Variants in TECTA observed in about 807,000 individuals in gnomAD.
TECTA encodes alpha-tectorin.
In TECTA, 128 loss-of-function variants were observed where a neutral mutation model predicts 216.8. That is an observed-to-expected ratio of 0.59 (90% CI 0.51 to 0.68). The LOEUF (loss-of-function observed/expected upper bound fraction) is 0.68. TECTA is among the 30% of genes least tolerant of loss of function. The probability of loss-of-function intolerance (pLI) is 0.00; values close to 1 mark genes in which losing one functional copy is unlikely to be tolerated. For missense variants in TECTA, 2,551 were observed against 2,786.2 expected, an observed-to-expected ratio of 0.92 and a Z score of 1.90; for synonymous variants, 1,089 against 1,117.1, an observed-to-expected ratio of 0.97 and a Z score of 0.50.
intron 3 of TECTA, among the ~76,000 whole-genome samples, chr11:121,107,076 T>C (rs781601304): frequency 6.6e-6 from 1 of 152,236 alleles, no homozygotes; most frequent in Non-Finnish European, 1.5e-5. Context: ...ATTACACCTG[T>C]TGTTCCCTAG....
rs1183573342 is a variant in TECTA at position 121,125,581 on chromosome 11, G to A, written c.1483G>A (p.Ala495Thr). 6.8e-6 allele frequency: 11 copies of A among 1,614,048 alleles called. No homozygotes were observed. Among genetic ancestry groups the A allele is most frequent in the South Asian group, 2.2e-5 (2 of 91,080 alleles). The change falls in exon 8 of 24, where the codon GCA becomes ACA. Residue 495 changes from alanine to threonine, a missense_variant. Physicochemically the swap from Ala to Thr is moderately conservative, Grantham distance 58 (BLOSUM62 0). Around this residue, in one of 3 missense-constraint regions of TECTA, gnomAD observed 2,375 missense variants for 2,563.9 expected, o/e 0.93. Transcript: ENST00000392793. ...DLGESWRVYH[A>T]DWKCDSGCVD... ...GGGAGAGAGCTGGCGTGTGTACCAC[G>A]CAGACTGGAAGTGCGACTCCGGCTG...
chr11:121,103,513 G>A (rs1291122996), intron 2 of TECTA, among the ~76,000 whole-genome samples: 2 of 151,982 alleles, frequency 1.3e-5, no homozygotes, highest in Admixed American at 6.6e-5. Flanking sequence ...GAAACCCCAC[G>A]GGAATGAAAG....
chr11:121,124,853 C>T (rs1250197777), intron 7 of TECTA, among the ~76,000 whole-genome samples: 1 of 152,154 alleles, frequency 6.6e-6, no homozygotes, highest in Non-Finnish European at 1.5e-5. Context: ...AGCACACACT[C>T]GAGCTGAGAG....
In TECTA at chr11:121,130,146, G is replaced by A. The variant is rs150403193; in HGVS notation, c.2876G>A (p.Arg959Gln). 42 of 1,608,900 alleles carry A rather than the reference G, an allele frequency of 2.6e-5. No homozygotes were observed. The highest frequency in any genetic ancestry group is 2.0e-4 in the South Asian group (18 of 91,074). ...TCAGAGCTCTGTGACTCTGTGGCCCGGTATGCAAGCGCCTGCAAGAATGCG... is the reference window on the plus strand; with the variant it reads ...TCAGAGCTCTGTGACTCTGTGGCCCAGTATGCAAGCGCCTGCAAGAATGCG... ...NESELCDSVARYASACKNADV... is the reference protein window; with the variant it reads ...NESELCDSVAQYASACKNADV... The change falls in exon 10 of 24, where the codon CGG becomes CAG. Residue 959 changes from arginine to glutamine, a missense_variant. Transcript: ENST00000392793.
chr11:121,182,825 C>T (rs1947243707), intron 20 of TECTA, among the ~76,000 whole-genome samples: 1 of 151,810 alleles, frequency 6.6e-6, no homozygotes, highest in Non-Finnish European at 1.5e-5. Flanking sequence ...AGTCAAACCC[C>T]AGATCCCTCG....
intron 20 of TECTA, among the ~76,000 whole-genome samples, chr11:121,173,269 C>G (rs1486258917): frequency 6.6e-6 from 1 of 150,708 alleles, no homozygotes; most frequent in Non-Finnish European, 1.5e-5. Context: ...TTGCCCATGC[C>G]TATGTCCTGA....
chr11:121,180,007 G>A (rs1452806658), intron 20 of TECTA, among the ~76,000 whole-genome samples: 1 of 146,976 alleles, frequency 6.8e-6, no homozygotes, highest in African/African-American at 2.5e-5. Flanking sequence ...CAACCAGTCT[G>A]TATCTTTTAA....
At chr11:121,108,579 T>C (rs1252931948) in intron 3 of TECTA, among the ~76,000 whole-genome samples, 15 of 104,824 alleles carry the variant, frequency 1.4e-4, no homozygotes, top group Non-Finnish European at 2.0e-4. Flanking sequence ...CACACACACA[T>C]CCCAGTATAC....
In TECTA at chr11:121,145,752, C is replaced by A. The variant is rs1278364870; in HGVS notation, c.3741C>A (p.Asn1247Lys). Residue 1247 changes from asparagine (N) to lysine (K), a missense_variant, in exon 12 of 24, where the codon AAC becomes AAA. This residue lies in a region of TECTA where 2,375 missense variants were observed against 2,563.9 expected (regional missense o/e 0.93). Transcript: ENST00000392793. ...GTCTGTGTGGCCGCTACAACGGCAA[C>A]CCTGATGATGACCTGGAGATGCCCA... ...TYGLCGRYNGNPDDDLEMPMG... is the reference protein window; with the variant it reads ...TYGLCGRYNGKPDDDLEMPMG... 1 of 1,614,198 alleles carries A rather than the reference C, an allele frequency of 6.2e-7. No homozygotes were observed. Among genetic ancestry groups the A allele is most frequent in the South Asian group, 1.1e-5 (1 of 91,084 alleles).
At chr11:121,141,878 C>A (rs1946787820) in intron 11 of TECTA, among the ~76,000 whole-genome samples, 4 of 152,280 alleles carry the variant, frequency 2.6e-5, no homozygotes, top group Admixed American at 2.6e-4. Flanking sequence ...CAGACATTGG[C>A]AGTTAATGTC....
chr11:121,178,696 G>A (rs1290887962), intron 20 of TECTA, among the ~76,000 whole-genome samples: 1 of 152,050 alleles, frequency 6.6e-6, no homozygotes, highest in African/African-American at 2.4e-5. Flanking sequence ...TTCTTTGTAA[G>A]TATGGTAGAA....
intron 3 of TECTA, 24 bp from the exon 4 acceptor site, chr11:121,109,186 TG>T: frequency 6.2e-7 from 1 of 1,613,836 alleles, no homozygotes; most frequent in Non-Finnish European, 8.5e-7. Context: ...AGATCCACTG[TG>T]CAAAACCTCT....
intron 12 of TECTA, among the ~76,000 whole-genome samples, chr11:121,148,572 G>C (rs1315265800): frequency 1.3e-5 from 2 of 152,092 alleles, no homozygotes; most frequent in Non-Finnish European, 2.9e-5. Context: ...AACTGTATCT[G>C]ATGTGACTCC....
At chr11:121,185,213 C>T (rs1947270153) in intron 20 of TECTA, among the ~76,000 whole-genome samples, 1 of 152,208 alleles carries the variant, frequency 6.6e-6, no homozygotes, top group African/African-American at 2.4e-5. Flanking sequence ...CATCAGTCCT[C>T]CTAACCTTTC....
At position 121,160,356 on chromosome 11, in the gene TECTA, A is replaced by G. The variant is rs1245185630; in HGVS notation, c.4911A>G (p.Arg1637=). The G allele has an allele frequency of 1.9e-6, 3 of 1,613,814 alleles. No individual in the cohort carries two copies. The highest frequency in any genetic ancestry group is 1.3e-5 in the African/African-American group (1 of 74,900). Reference sequence around the variant, plus strand: ...TAACAGATGATTATGTGACCTTGCGAGGGAAGCCGGTGGTAAGCAGCGTGG... The same window carrying G: ...TAACAGATGATTATGTGACCTTGCGGGGGAAGCCGGTGGTAAGCAGCGTGG... ...GDLTDDYVTL[R]GKPVVSSVVL... is the part of the protein sequence containing the mutation. The change falls in exon 15 of 24, where the codon CGA becomes CGG. Residue 1637 remains arginine (R), a synonymous_variant. Coordinates refer to ENST00000392793, the MANE Select transcript of TECTA (RefSeq NM_005422.4).
intron 7 of TECTA, among the ~76,000 whole-genome samples, chr11:121,120,289 G>A (rs982368745): frequency 1.3e-5 from 2 of 152,186 alleles, no homozygotes; most frequent in East Asian, 3.8e-4. Context: ...GCGACAGGGC[G>A]ATGTGGGTGA....
chr11:121,147,235 A>G (rs1242338493), intron 12 of TECTA, among the ~76,000 whole-genome samples: 1 of 152,228 alleles, frequency 6.6e-6, no homozygotes, highest in Non-Finnish European at 1.5e-5. Context: ...CTGAATGCAT[A>G]GAGCTCTAAC....
intron 10 of TECTA, 134 bp downstream of exon 10, chr11:121,130,345 G>A: frequency 1.0e-6 from 1 of 1,002,442 alleles, no homozygotes; most frequent in Admixed American, 2.7e-5. Context: ...ACCTACCCTA[G>A]TCTGATGTGT....
intron 7 of TECTA, among the ~76,000 whole-genome samples, chr11:121,123,118 T>C (rs1216640182): frequency 2.0e-5 from 3 of 152,176 alleles, no homozygotes; most frequent in African/African-American, 7.2e-5. Context: ...CCAGACAGTC[T>C]CATGTGCCAG....
Sources: gnomAD v4.1 joint callset for allele counts (sites outside exome capture counted in the v4.1 genomes callset) on GRCh38, gnomAD v4.1.1 for gene constraint, gnomAD v4.1.1 regional missense constraint, MANE v1.5 for transcripts, NCBI Gene and HGNC (gene_info 2026-07-23, HGNC 2026-07-21) for gene names.